LRRC8D: variants seen among roughly 807,000 people sequenced by gnomAD.
The protein encoded by LRRC8D is leucine rich repeat containing 8 VRAC subunit D, also known as volume-regulated anion channel subunit LRRC8D.
In LRRC8D, 20 loss-of-function variants were observed where a neutral mutation model predicts 55.8. That is an observed-to-expected ratio of 0.36 (90% CI 0.25 to 0.52). LRRC8D has a LOEUF of 0.52. Ranked by LOEUF, LRRC8D falls within the 20% of genes least tolerant of loss-of-function variation. LRRC8D has a pLI of 0.93. For missense variants in LRRC8D, 651 were observed against 1,030.8 expected (o/e 0.63, Z 5.05); for synonymous variants, 352 against 377.0 (o/e 0.93, Z 0.77).
intron 2 of LRRC8D, among the ~76,000 whole-genome samples, chr1:89,852,466 G>A (rs1006184238): frequency 1.3e-5 from 2 of 151,926 alleles, no homozygotes; most frequent in Non-Finnish European, 2.9e-5. Flanking sequence ...CTTAGTCCCC[G>A]CCCCTCCGTC....
chr1:89,864,982 G>C (rs1661806276), intron 2 of LRRC8D, among the ~76,000 whole-genome samples: 1 of 152,110 alleles, frequency 6.6e-6, no homozygotes, highest in Admixed American at 6.5e-5. Flanking sequence ...TGTCCTTCCA[G>C]AAGCTGTCTA....
chr1:89,842,179 C>G (rs1661151369), intron 1 of LRRC8D, among the ~76,000 whole-genome samples: 1 of 147,912 alleles, frequency 6.8e-6, no homozygotes, highest in Non-Finnish European at 1.5e-5. Flanking sequence ...CGCCACTGCA[C>G]TCCAGCCTGG....
chr1:89,835,399 T>C (rs1487435039), intron 1 of LRRC8D, among the ~76,000 whole-genome samples: 1 of 152,242 alleles, frequency 6.6e-6, no homozygotes, highest in Non-Finnish European at 1.5e-5. Flanking sequence ...TTTTGTCCTC[T>C]GTAAGTATTA....
rs2100988283 is a variant in LRRC8D at position 89,927,717 on chromosome 1, T to G, written c.-2-5350T>G. Among the ~76,000 whole-genome samples, 3 of 152,372 alleles carry G rather than the reference T, an allele frequency of 2.0e-5. 1 individual carries two copies. In the Middle Eastern group the frequency reaches 0.01, roughly 518 times the overall value. ...ACCAGCACTTAGTATTATCTGTCAT[T>G]TTAATTTTAGGAATTCTGGTGGATT... On this transcript the variant is annotated intron_variant, in intron 2 of 2. Transcript: ENST00000337338.
Position 89,854,432 on chromosome 1 carries a change from C to A in LRRC8D, c.-3+10650C>A, listed in dbSNP as rs188093225. ...ACTGTAATATGAATAGCATGAATGA[C>A]CTTTTACAATAGAACGCACAGGCCC... On this transcript the variant is annotated intron_variant, in intron 2 of 2. Transcript: ENST00000337338. 3.3e-5 allele frequency among the ~76,000 whole-genome samples: 5 copies of A among 151,862 alleles called. No homozygotes were observed. The East Asian group carries it at 7.8e-4, about 24-fold the overall frequency.
At chr1:89,843,118 T>C (rs772268899) in intron 1 of LRRC8D, 9 of 152,244 alleles carry the variant, frequency 5.9e-5, no homozygotes, top group Non-Finnish European at 1.2e-4. Context: ...TGAGCTGTAG[T>C]GGATATACTG....
chr1:89,822,403 GCTC>G (rs2100682482), intron 1 of LRRC8D, among the ~76,000 whole-genome samples: 1 of 152,278 alleles, frequency 6.6e-6, no homozygotes, highest in Non-Finnish European at 1.5e-5. Flanking sequence ...CTTATATTTG[GCTC>G]CTCGTTGCCT....
rs376992675 is a variant in LRRC8D at position 89,827,020 on chromosome 1, C to G, written c.-148+5729C>G. Among the ~76,000 whole-genome samples the G allele has an allele frequency of 3.9e-5, 6 of 152,142 alleles. No homozygotes were observed. The South Asian group carries it at 8.3e-4, about 21-fold the overall frequency. On this transcript the variant is annotated intron_variant, in intron 1 of 2. Coordinates refer to ENST00000337338, the MANE Select transcript of LRRC8D (RefSeq NM_001134479.2). ...ATGTTGTTGTCCTGACTTGCTGTTGCAGAAAAACAAAAACCATGAAATGCT... is the reference window on the plus strand; with the variant it reads ...ATGTTGTTGTCCTGACTTGCTGTTGGAGAAAAACAAAAACCATGAAATGCT...
At chr1:89,921,787 GTCC>G (rs1445337455) in intron 2 of LRRC8D, among the ~76,000 whole-genome samples, 1 of 151,888 alleles carries the variant, frequency 6.6e-6, no homozygotes, top group Non-Finnish European at 1.5e-5. Flanking sequence ...CAGGTGATCT[GTCC>G]TCCTCAGCCT....
Position 89,934,231 on chromosome 1 carries a change from T to C in LRRC8D, c.1163T>C (p.Phe388Ser), listed in dbSNP as rs1362084220. The change falls in exon 3 of 3, where the codon TTC (phenylalanine) becomes TCC (serine). Residue 388 changes from phenylalanine (F) to serine (S), a missense_variant. Physicochemically the swap from Phe to Ser is radical, Grantham distance 155 (BLOSUM62 -2). Transcript: ENST00000337338. The surrounding 1 kb of genome is among the most constrained non-coding windows in gnomAD (Gnocchi z 5.9). ...TGCCTCTACACTCTCTTCTGGTTAT[T>C]CAGGATACCTTTGAAGGAATATTCT... Reference protein sequence around the residue: ...FICLYTLFWLFRIPLKEYSFE... With the variant: ...FICLYTLFWLSRIPLKEYSFE... 1 of 1,614,190 alleles carries C rather than the reference T, an allele frequency of 6.2e-7. No individual in the cohort carries two copies. The highest frequency in any genetic ancestry group is 8.5e-7 in the Non-Finnish European group (1 of 1,180,014).
chr1:89,921,313 G>A (rs1663411864), intron 2 of LRRC8D, among the ~76,000 whole-genome samples: 1 of 152,006 alleles, frequency 6.6e-6, no homozygotes, highest in Admixed American at 6.6e-5. Flanking sequence ...ACTCTAGCCT[G>A]GACAACTGGA....
At chr1:89,872,676 T>G (rs538406612) in intron 2 of LRRC8D, among the ~76,000 whole-genome samples, 7 of 152,352 alleles carry the variant, frequency 4.6e-5, no homozygotes, top group African/African-American at 1.7e-4. Context: ...TTCTCTCTGC[T>G]TACTTAATGT....
At chr1:89,850,163 GT>G (rs1388062061) in intron 2 of LRRC8D, among the ~76,000 whole-genome samples, 2 of 152,116 alleles carry the variant, frequency 1.3e-5, no homozygotes, top group Non-Finnish European at 2.9e-5. Context: ...CAGAGTTTTG[GT>G]GCTACCCCTA....
At chr1:89,833,036 T>A (rs1660922785) in intron 1 of LRRC8D, among the ~76,000 whole-genome samples, 1 of 152,198 alleles carries the variant, frequency 6.6e-6, no homozygotes, top group Non-Finnish European at 1.5e-5. Flanking sequence ...AGAACTGTGA[T>A]TTGAACCCAA....
At chr1:89,915,016 C>CTGTGTGTGTGTG (rs56870719) in intron 2 of LRRC8D, among the ~76,000 whole-genome samples, 4 of 144,848 alleles carry the variant, frequency 2.8e-5, no homozygotes, top group African/African-American at 7.6e-5. Flanking sequence ...TCTTGCTCTA[C>CTGTGTGTGTGTG]TGTGTGTGTG....
chr1:89,842,529 T>G (rs988753110), intron 1 of LRRC8D, among the ~76,000 whole-genome samples: 3 of 152,242 alleles, frequency 2.0e-5, no homozygotes, highest in Admixed American at 1.3e-4. Flanking sequence ...GTAGAATGAT[T>G]ATTGTTTGTA....
intron 2 of LRRC8D, among the ~76,000 whole-genome samples, chr1:89,854,196 G>A (rs981547785): frequency 4.6e-5 from 7 of 152,182 alleles, no homozygotes; most frequent in African/African-American, 1.7e-4. Flanking sequence ...GTTCCTGATG[G>A]CTTGGATATT....
intron 2 of LRRC8D, among the ~76,000 whole-genome samples, chr1:89,878,393 A>C (rs1662199298): frequency 6.6e-6 from 1 of 152,234 alleles, no homozygotes; most frequent in African/African-American, 2.4e-5. Context: ...TCAGTACATA[A>C]TATGAGAAGA....
In LRRC8D at chr1:89,934,702, A is replaced by G. The variant is rs1346158169; in HGVS notation, c.1634A>G (p.Lys545Arg). The part of the protein sequence containing the change: ...LRDHLRCLHV[K>R]FTDVAEIPAW... ...GATCACTTGAGATGCCTTCACGTGA[A>G]GTTCACTGATGTGGCTGAAATTCCT... The change falls in exon 3 of 3, where the codon AAG becomes AGG. Residue 545 changes from lysine (K) to arginine (R), a missense_variant. Lys to Arg is a conservative substitution (Grantham distance 26). This residue lies in a region of LRRC8D where 338 missense variants were observed against 479.4 expected (regional missense o/e 0.71). Transcript: ENST00000337338. This position sits in a 1 kb window ranked among gnomAD's most constrained non-coding sequence, Gnocchi z 5.9. 1.9e-6 allele frequency: 3 copies of G among 1,614,212 alleles called. No homozygotes were observed. Among genetic ancestry groups the G allele is most frequent in the Non-Finnish European group, 2.5e-6 (3 of 1,180,042 alleles).
Sources: gnomAD v4.1 joint callset for allele counts (sites outside exome capture counted in the v4.1 genomes callset) on GRCh38, gnomAD v4.1.1 for gene constraint, gnomAD v4.1.1 regional missense constraint, Gnocchi (gnomAD v3.1) non-coding constraint, MANE v1.5 for transcripts, NCBI Gene and HGNC (gene_info 2026-07-23, HGNC 2026-07-21) for gene names.